The following GSK3B variants were observed in gnomAD, a reference collection of about 807,000 sequenced individuals.
The protein encoded by GSK3B is glycogen synthase kinase 3 beta.
In GSK3B, 15 loss-of-function variants were observed where a neutral mutation model predicts 56.4. That is an observed-to-expected ratio of 0.27 (90% CI 0.18 to 0.41). The LOEUF is 0.41. Ranked by LOEUF, GSK3B falls within the 10% of genes least tolerant of loss-of-function variation. The probability of loss-of-function intolerance (pLI) is 1.00; values close to 1 mark genes in which losing one functional copy is unlikely to be tolerated. For synonymous variants in GSK3B, 181 were observed against 188.9 expected, an observed-to-expected ratio of 0.96 and a Z score of 0.34; for missense variants, 300 against 513.4, an observed-to-expected ratio of 0.58 and a Z score of 4.02.
chr3:119,888,899 C>A (rs921236759), intron 7 of GSK3B, among the ~76,000 whole-genome samples: 3 of 152,042 alleles, frequency 2.0e-5, no homozygotes, highest in Admixed American at 1.3e-4. Flanking sequence ...TCCTGCAGTA[C>A]CCTCAGGCTT....
intron 1 of GSK3B, among the ~76,000 whole-genome samples, chr3:120,056,838 C>A (rs2058195366): frequency 6.6e-6 from 1 of 152,122 alleles, no homozygotes; most frequent in South Asian, 2.1e-4. Flanking sequence ...GGCCAATATA[C>A]AGGTAGAAAA....
In GSK3B at chr3:119,917,556, C is replaced by T. The variant is rs543368451; in HGVS notation, c.478-1382G>A. On this transcript the variant is annotated intron_variant, in intron 4 of 10. Transcript: ENST00000264235. ...CATTACCACTAAAAAGATAACCTCC[C>T]ATAAGAAACTGAGTTCATAGGCATA... is the stretch of plus-strand genomic sequence containing the variant. Among the ~76,000 whole-genome samples, 10 of 151,746 alleles carry T rather than the reference C, an allele frequency of 6.6e-5. No individual in the cohort carries two copies. The South Asian group carries it at 1.9e-3, about 28-fold the overall frequency.
intron 1 of GSK3B, among the ~76,000 whole-genome samples, chr3:120,082,006 T>A (rs2058423682): frequency 6.6e-6 from 1 of 152,058 alleles, no homozygotes; most frequent in Non-Finnish European, 1.5e-5. Flanking sequence ...ATCGAAAAAA[T>A]TCCACGGAGG....
At chr3:120,026,512 T>TACACACACACACACACACACACACACAC (rs61580328) in intron 1 of GSK3B, among the ~76,000 whole-genome samples, 1 of 130,444 alleles carries the variant, frequency 7.7e-6, no homozygotes, top group African/African-American at 2.9e-5. Flanking sequence ...TACCGCCAAA[T>TACACACACACACACACACACACACACAC]ACACACACAC....
At chr3:120,071,865 A>C (rs334536) in intron 1 of GSK3B, among the ~76,000 whole-genome samples, 32,525 of 152,182 alleles carry the variant, frequency 0.21, 3,755 homozygotes, top group African/African-American at 0.3. Flanking sequence ...CACCACATTA[A>C]GAACCCAGAT....
chr3:120,085,815 A>C (rs771303271), intron 1 of GSK3B, among the ~76,000 whole-genome samples: 64 of 152,320 alleles, frequency 4.2e-4, no homozygotes, highest in Non-Finnish European at 7.2e-4. Flanking sequence ...TGAGAAAAAA[A>C]AAAAAGTATT....
chr3:119,830,246 C>T (rs2055577748), intron 10 of GSK3B, among the ~76,000 whole-genome samples: 1 of 152,166 alleles, frequency 6.6e-6, no homozygotes, highest in African/African-American at 2.4e-5. Context: ...TGGGAAGAAA[C>T]TAGTTCAAGA....
intron 8 of GSK3B, among the ~76,000 whole-genome samples, chr3:119,876,089 T>C (rs1215866746): frequency 6.6e-6 from 1 of 152,110 alleles, no homozygotes; most frequent in Middle Eastern, 3.2e-3. Flanking sequence ...ACTATACACC[T>C]CTATGTAAAT....
At chr3:120,046,118 G>A (rs978509120) in intron 1 of GSK3B, among the ~76,000 whole-genome samples, 1 of 151,986 alleles carries the variant, frequency 6.6e-6, no homozygotes, top group Non-Finnish European at 1.5e-5. Context: ...GGGATGAGAA[G>A]GTGGCTAAAT....
intron 4 of GSK3B, among the ~76,000 whole-genome samples, chr3:119,920,374 G>A (rs1242481885): frequency 3.3e-5 from 5 of 152,130 alleles, no homozygotes; most frequent in Non-Finnish European, 7.4e-5. Context: ...TGAGTAGCTA[G>A]GATTACAGGT....
At chr3:119,918,649 T>C (rs1275806136) in intron 4 of GSK3B, among the ~76,000 whole-genome samples, 2 of 152,206 alleles carry the variant, frequency 1.3e-5, no homozygotes, top group South Asian at 2.1e-4. Context: ...CCTATTTGTT[T>C]AGTTAATTCT....
In GSK3B at chr3:119,866,519, C is replaced by A. The variant is rs2056184637; in HGVS notation, c.910-2914G>T. 4.5e-5 allele frequency: 41 copies of A among 910,124 alleles called. 1 individual carries two copies. The South Asian group carries it at 5.5e-4, about 12-fold the overall frequency. The allele number at this position is 910,124 out of a possible 1,614,324, so 56.4% of individuals were successfully genotyped here. On this transcript the variant is annotated intron_variant, in intron 8 of 10. Coordinates refer to ENST00000264235, the MANE Select transcript of GSK3B (RefSeq NM_001146156.2). ...TCAAGAATGAGTAATTATTTAGCCT[C>A]TCAAAGAAGATTTCCCCCAAGTTTT...
chr3:120,018,935 T>C (rs1275158496), intron 1 of GSK3B, among the ~76,000 whole-genome samples: 1 of 152,178 alleles, frequency 6.6e-6, no homozygotes, highest in African/African-American at 2.4e-5. Context: ...GGTGCTACTT[T>C]TGTAGGAATA....
At chr3:119,838,447 C>T (rs2055725796) in intron 10 of GSK3B, among the ~76,000 whole-genome samples, 1 of 152,146 alleles carries the variant, frequency 6.6e-6, no homozygotes, top group South Asian at 2.1e-4. Flanking sequence ...AAAAAATCAA[C>T]ATCCATACCC....
intron 2 of GSK3B, among the ~76,000 whole-genome samples, chr3:119,982,814 C>A (rs1352766527): frequency 6.6e-6 from 1 of 152,218 alleles, no homozygotes; most frequent in East Asian, 1.9e-4. Context: ...CTTCCCTAAC[C>A]TAGGAAGGCA....
chr3:120,007,415 C>T (rs950769312), intron 1 of GSK3B, among the ~76,000 whole-genome samples: 1 of 152,138 alleles, frequency 6.6e-6, no homozygotes, highest in Non-Finnish European at 1.5e-5. Context: ...TTTTATGAGG[C>T]TAGCATCATC....
intron 1 of GSK3B, among the ~76,000 whole-genome samples, chr3:120,082,222 A>G (rs2058425494): frequency 6.6e-6 from 1 of 152,086 alleles, no homozygotes; most frequent in South Asian, 2.1e-4. Flanking sequence ...GCATAAATCA[A>G]TGAAGTGTTT....
chr3:119,832,646 T>C (rs2108000056), intron 10 of GSK3B, among the ~76,000 whole-genome samples: 1 of 152,356 alleles, frequency 6.6e-6, no homozygotes, highest in Non-Finnish European at 1.5e-5. Flanking sequence ...ATTTAATTCT[T>C]TTTTCCAGAA....
intron 3 of GSK3B, among the ~76,000 whole-genome samples, chr3:119,945,932 G>A (rs1487990478): frequency 6.6e-6 from 1 of 151,952 alleles, no homozygotes; most frequent in Non-Finnish European, 1.5e-5. Context: ...AACAGAGGCT[G>A]TACAATTTTA....
Sources: allele counts gnomAD v4.1 joint callset (sites outside exome capture counted in the v4.1 genomes callset), GRCh38; gene constraint gnomAD v4.1.1; transcripts MANE v1.5; gene names NCBI Gene and HGNC (gene_info 2026-07-23, HGNC 2026-07-21).